SORBS2: variants seen among roughly 807,000 people sequenced by gnomAD.
The protein encoded by SORBS2 is sorbin and SH3 domain-containing protein 2.
In SORBS2, 46 loss-of-function variants were observed where a neutral mutation model predicts 97.7. The observed-to-expected ratio is 0.47, with a 90% CI of 0.37 to 0.60. SORBS2 has a LOEUF of 0.60. Among genes scored for constraint, SORBS2 ranks in the 20% least tolerant of loss-of-function variants. The pLI, the probability that SORBS2 is intolerant of heterozygous loss-of-function variation, is 0.00. For synonymous variants in SORBS2, 476 were observed against 473.4 expected (o/e 1.01, Z -0.07); for missense variants, 1,316 against 1,282.3 (o/e 1.03, Z -0.40).
chr4:185,868,123 C>T (rs1561250474), intron 1 of SORBS2, among the ~76,000 whole-genome samples: 2 of 142,102 alleles, frequency 1.4e-5, no homozygotes, highest in South Asian at 2.3e-4. Context: ...TTAAAAGCTT[C>T]TACTTTCCTT....
At chr4:185,611,051 G>T (rs529645369) in intron 12 of SORBS2, among the ~76,000 whole-genome samples, 3 of 151,922 alleles carry the variant, frequency 2.0e-5, no homozygotes, top group Non-Finnish European at 4.4e-5. Flanking sequence ...TTTAAATTAC[G>T]TATTGAGAAA....
In SORBS2 at chr4:185,684,466, C is replaced by A. The variant is rs996791141; in HGVS notation, c.-197-5644G>T. On this transcript the variant is annotated intron_variant, in intron 2 of 20. Transcript: ENST00000284776. The surrounding 1 kb of genome is among the most constrained non-coding windows in gnomAD (Gnocchi z 4.2). Reference sequence around the variant, plus strand: ...CCTTTTTTCATCCTGTACCCCTGTACCCCTACCCCAAAAGTTTTTAGGTTA... The same window carrying A: ...CCTTTTTTCATCCTGTACCCCTGTAACCCTACCCCAAAAGTTTTTAGGTTA... Among the ~76,000 whole-genome samples the A allele has an allele frequency of 6.6e-6, 1 of 151,752 alleles. No individual in the cohort carries two copies. The highest frequency in any genetic ancestry group is 6.6e-5 in the Admixed American group (1 of 15,258).
chr4:185,605,036 G>C (rs1034993198), intron 12 of SORBS2, among the ~76,000 whole-genome samples: 1 of 152,142 alleles, frequency 6.6e-6, no homozygotes, highest in Non-Finnish European at 1.5e-5. Context: ...AGGAATATTA[G>C]TTACTGAAAT....
chr4:185,619,489 C>T (rs2153417388), intron 8 of SORBS2, among the ~76,000 whole-genome samples: 1 of 152,308 alleles, frequency 6.6e-6, no homozygotes, highest in Non-Finnish European at 1.5e-5. Context: ...AGTTTCCATC[C>T]AGCCGTCATG....
At chr4:185,927,045 G>A (rs11733540) in intron 1 of SORBS2, among the ~76,000 whole-genome samples, 48,398 of 150,692 alleles carry the variant, frequency 0.32, 8,435 homozygotes, top group East Asian at 0.53. Context: ...AATTTTATAT[G>A]TGATATATAT....
chr4:185,647,150 T>C (rs2097221076), intron 3 of SORBS2, among the ~76,000 whole-genome samples: 1 of 152,164 alleles, frequency 6.6e-6, no homozygotes, highest in African/African-American at 2.4e-5. Flanking sequence ...ATCTTATTTC[T>C]TGAAGTGGGA....
At chr4:185,937,812 C>A (rs1271528431) in intron 1 of SORBS2, among the ~76,000 whole-genome samples, 1 of 152,176 alleles carries the variant, frequency 6.6e-6, no homozygotes, top group Non-Finnish European at 1.5e-5. Context: ...AGGTGCTGTG[C>A]TGTGGAGTCG....
intron 1 of SORBS2, among the ~76,000 whole-genome samples, chr4:185,798,797 T>G (rs72703841): frequency 0.08 from 12,190 of 152,250 alleles, 566 homozygotes; most frequent in Admixed American, 0.14. Flanking sequence ...TGCCTACCAG[T>G]GTTTCCAGCA....
intron 5 of SORBS2, among the ~76,000 whole-genome samples, chr4:185,628,671 C>T (rs1018250259): frequency 1.3e-5 from 2 of 152,152 alleles, no homozygotes; most frequent in East Asian, 1.9e-4. Context: ...ATAGCTTGAG[C>T]ACAGGAGTTT....
chr4:185,749,186 G>T (rs1454757226), intron 2 of SORBS2, among the ~76,000 whole-genome samples: 4 of 152,178 alleles, frequency 2.6e-5, no homozygotes, highest in Non-Finnish European at 5.9e-5. Context: ...GCTGCTCCAA[G>T]CCATCTGGGA....
chr4:185,747,719 C>A (rs1403985702), intron 2 of SORBS2, among the ~76,000 whole-genome samples: 1 of 152,128 alleles, frequency 6.6e-6, no homozygotes, highest in African/African-American at 2.4e-5. Context: ...TTGGCCTTTG[C>A]TCGGGCGCGG....
chr4:185,943,259 T>C (rs985295126), intron 1 of SORBS2, among the ~76,000 whole-genome samples: 6 of 152,192 alleles, frequency 3.9e-5, no homozygotes, highest in Non-Finnish European at 8.8e-5. Flanking sequence ...ATATTCCACA[T>C]AGTAACAAAT....
At chr4:185,640,963 C>T (rs767913043) in intron 4 of SORBS2, among the ~76,000 whole-genome samples, 5 of 152,150 alleles carry the variant, frequency 3.3e-5, no homozygotes, top group Non-Finnish European at 5.9e-5. Flanking sequence ...GAGATAGAAA[C>T]TTCTCTTAGA....
In SORBS2 at chr4:185,809,455, C is replaced by CAAAAAA. The variant is rs55713465; in HGVS notation, c.-337-34095_-337-34090dup. On this transcript the variant is annotated intron_variant, in intron 1 of 20. Coordinates refer to the SORBS2 transcript ENST00000284776. ...GACTCTTCAGGGGGCACTGCATTTG[C>CAAAAAA]AAAAAAAAAAAAAAAAAAAAAAAAA... 3.3e-3 allele frequency among the ~76,000 whole-genome samples: 157 copies of CAAAAAA among 47,278 alleles called. 37 individuals carry two copies. The highest frequency in any genetic ancestry group is 7.4e-3 in the African/African-American group (85 of 11,558). 31.0% of individuals were successfully genotyped at this position (47,278 alleles called of 152,430 possible). A position where few individuals can be genotyped will look rare whatever the true frequency, so the allele number is the denominator to read the frequency against.
chr4:185,733,480 G>A (rs2098659511), intron 2 of SORBS2, among the ~76,000 whole-genome samples: 1 of 152,208 alleles, frequency 6.6e-6, no homozygotes, highest in Non-Finnish European at 1.5e-5. Flanking sequence ...GCCCCACTGG[G>A]CAGAGCCAGG....
intron 1 of SORBS2, among the ~76,000 whole-genome samples, chr4:185,866,867 C>T (rs2099227158): frequency 1.3e-5 from 2 of 152,058 alleles, no homozygotes; most frequent in African/African-American, 4.8e-5. Flanking sequence ...ATTCTATGCC[C>T]AAGCATTGGC....
rs377495927 is a variant in SORBS2 at position 185,942,008 on chromosome 4, C to T, written c.-338+14188G>A. On this transcript the variant is annotated intron_variant, in intron 1 of 20. Coordinates refer to the SORBS2 transcript ENST00000284776. ...GTGCACGCCTGTAATTCCAGCTACT[C>T]GGGAGTCTGAGGCAGGAGAATCACT... Among the ~76,000 whole-genome samples the T allele has an allele frequency of 1.6e-4, 24 of 152,004 alleles. No homozygotes were observed. The East Asian group carries it at 2.2e-3, about 14-fold the overall frequency.
intron 1 of SORBS2, among the ~76,000 whole-genome samples, chr4:185,790,184 A>G (rs1209101497): frequency 6.6e-6 from 1 of 152,040 alleles, no homozygotes; most frequent in African/African-American, 2.4e-5. Flanking sequence ...TCATCTGCGC[A>G]CAACACATTT....
At chr4:185,792,392 G>A (rs1561056497) in intron 1 of SORBS2, among the ~76,000 whole-genome samples, 1 of 152,148 alleles carries the variant, frequency 6.6e-6, no homozygotes, top group Non-Finnish European at 1.5e-5. Flanking sequence ...TCCTCAGGAG[G>A]TTGAGGCAGG....
Sources: allele counts gnomAD v4.1 joint callset (sites outside exome capture counted in the v4.1 genomes callset), GRCh38; gene constraint gnomAD v4.1.1; non-coding constraint Gnocchi (gnomAD v3.1); transcripts MANE v1.5; gene names NCBI Gene and HGNC (gene_info 2026-07-23, HGNC 2026-07-21).